The following SWT1 variants were observed in gnomAD, a reference collection of about 807,000 sequenced individuals.
SWT1 encodes the protein SWT1 RNA endoribonuclease homolog, also known as transcriptional protein SWT1.
In SWT1, 33 loss-of-function variants were observed where a neutral mutation model predicts 107.3. That is an observed-to-expected ratio of 0.31 (90% CI 0.23 to 0.41). The LOEUF (loss-of-function observed/expected upper bound fraction) is 0.41, where lower values mean the gene tolerates loss of function less well. SWT1 is among the 10% of genes least tolerant of loss of function. The pLI is 1.00. For missense variants in SWT1, 898 were observed against 1,028.9 expected (o/e 0.87, Z 1.74); for synonymous variants, 345 against 348.3 (o/e 0.99, Z 0.11).
intron 2 of SWT1, among the ~76,000 whole-genome samples, chr1:185,163,834 T>C (rs1019568822): frequency 5.3e-5 from 8 of 152,244 alleles, no homozygotes; most frequent in Admixed American, 2.6e-4. Flanking sequence ...GAATCAACTT[T>C]TCCAAACTCC....
intron 2 of SWT1, among the ~76,000 whole-genome samples, chr1:185,161,939 A>C (rs1276424667): frequency 6.6e-6 from 1 of 152,184 alleles, no homozygotes; most frequent in African/African-American, 2.4e-5. Flanking sequence ...TCACAAAAAA[A>C]GTGATTTCTG....
intron 18 of SWT1, among the ~76,000 whole-genome samples, chr1:185,278,811 A>G (rs1274565295): frequency 2.6e-5 from 4 of 152,254 alleles, no homozygotes; most frequent in Non-Finnish European, 2.9e-5. Context: ...GAACTTAATA[A>G]AAGTATCACT....
chr1:185,224,563 T>C (rs1237837910), intron 15 of SWT1, among the ~76,000 whole-genome samples: 1 of 152,184 alleles, frequency 6.6e-6, no homozygotes, highest in African/African-American at 2.4e-5. Context: ...TAGATCACTT[T>C]GGAAAGTATG....
At chr1:185,178,487 C>T (rs1219443607) in intron 5 of SWT1, among the ~76,000 whole-genome samples, 2 of 152,102 alleles carry the variant, frequency 1.3e-5, no homozygotes, top group Non-Finnish European at 2.9e-5. Context: ...ATCTTTGTTA[C>T]GATATTCCCT....
chr1:185,194,148 A>C (rs1657193015), intron 10 of SWT1, among the ~76,000 whole-genome samples: 1 of 152,010 alleles, frequency 6.6e-6, no homozygotes, highest in Non-Finnish European at 1.5e-5. Flanking sequence ...ATCTTTTTGT[A>C]TCCTTTTACT....
Position 185,204,825 on chromosome 1 carries a change from A to G in SWT1, c.1795A>G (p.Thr599Ala), listed in dbSNP as rs1209180450. Residue 599 changes from threonine to alanine, a missense_variant, in exon 12 of 19, where the codon ACA becomes GCA. Physicochemically the swap from Thr to Ala is moderately conservative, Grantham distance 58. Coordinates refer to ENST00000367500, the MANE Select transcript of SWT1 (RefSeq NM_017673.7). ...LGTGLSSILE[T>A]EMKIAFGNLW... The stretch of plus-strand genomic sequence containing the variant: ...AACAGGTTTATCTTCAATATTAGAA[A>G]CAGAAATGAAAATTGCTTTTGGAAA... The G allele has an allele frequency of 2.5e-6, 4 of 1,585,310 alleles. No individual in the cohort carries two copies. The African/African-American group carries it at 4.1e-5, about 16-fold the overall frequency.
intron 16 of SWT1, among the ~76,000 whole-genome samples, chr1:185,249,634 C>T (rs1661864277): frequency 6.6e-6 from 1 of 152,138 alleles, no homozygotes; most frequent in Non-Finnish European, 1.5e-5. Context: ...AAGAGACAAA[C>T]TGATCCCCCA....
chr1:185,219,544 A>T (rs1659477008), intron 14 of SWT1, among the ~76,000 whole-genome samples: 1 of 152,138 alleles, frequency 6.6e-6, no homozygotes, highest in Non-Finnish European at 1.5e-5. Flanking sequence ...TATCACAGGG[A>T]ACTTAAGCCT....
At chr1:185,268,893 C>T (rs1222565219) in intron 16 of SWT1, among the ~76,000 whole-genome samples, 1 of 142,742 alleles carries the variant, frequency 7.0e-6, no homozygotes, top group East Asian at 2.0e-4. Flanking sequence ...CGCTCTTTTG[C>T]CCAGGCTTGA....
At chr1:185,212,733 G>T (rs1000574345) in intron 13 of SWT1, among the ~76,000 whole-genome samples, 1 of 151,390 alleles carries the variant, frequency 6.6e-6, no homozygotes, top group Non-Finnish European at 1.5e-5. Flanking sequence ...AACCCGGGAG[G>T]TGGAGGTTGC....
intron 17 of SWT1, among the ~76,000 whole-genome samples, chr1:185,273,093 T>TA (rs1663995152): frequency 6.6e-6 from 1 of 151,950 alleles, no homozygotes; most frequent in African/African-American, 2.4e-5. Context: ...ATGGTGTTTA[T>TA]ATGGGCTTTT....
intron 15 of SWT1, among the ~76,000 whole-genome samples, chr1:185,228,199 A>ATATG (rs1205547458): frequency 4.9e-4 from 59 of 121,312 alleles, no homozygotes; most frequent in African/African-American, 2.0e-3. Context: ...ACATATATAT[A>ATATG]TACTCAGTAT....
Position 185,174,481 on chromosome 1 carries a change from T to C in SWT1, c.334T>C (p.Leu112=). 6.2e-7 allele frequency: 1 copy of C among 1,611,258 alleles called. No individual in the cohort carries two copies. The highest frequency in any genetic ancestry group is 8.5e-7 in the Non-Finnish European group (1 of 1,179,220). The stretch of plus-strand genomic sequence containing the variant: ...ATATTCAAATGATAATCAAATTATT[T>C]TGCAGAGTCCTTCTTCAAATGGAAC... ...ASYSNDNQII[L]QSPSSNGTKK... Residue 112 remains leucine, a synonymous_variant, in exon 5 of 19, where the codon TTG becomes CTG. Transcript: ENST00000367500.
intron 5 of SWT1, among the ~76,000 whole-genome samples, chr1:185,176,326 G>C (rs990782520): frequency 6.7e-6 from 1 of 150,360 alleles, no homozygotes; most frequent in Non-Finnish European, 1.5e-5. Context: ...ATTTACTGGA[G>C]GCTGGAGGGA....
chr1:185,248,405 C>T (rs777874253), intron 16 of SWT1, among the ~76,000 whole-genome samples: 10 of 152,058 alleles, frequency 6.6e-5, no homozygotes, highest in Non-Finnish European at 1.0e-4. Context: ...ACATATTTTT[C>T]GTATCATGCA....
At chr1:185,268,779 T>G (rs1322499712) in intron 16 of SWT1, among the ~76,000 whole-genome samples, 1 of 152,124 alleles carries the variant, frequency 6.6e-6, no homozygotes, top group East Asian at 1.9e-4. Flanking sequence ...CAGTTCAGAT[T>G]ATTTCTAAAG....
rs1201731599 is a variant in SWT1, at chr1:185,237,232, C to T, written c.2441+5524C>T. Among the ~76,000 whole-genome samples the T allele has an allele frequency of 3.3e-5, 5 of 152,182 alleles. No individual in the cohort carries two copies. In the East Asian group the frequency reaches 9.6e-4, roughly 29 times the overall value. ...ATCCAAAGGACTATATGTCATTCCACTATAAAAACACATGCACACATATGT... is the reference window on the plus strand; with the variant it reads ...ATCCAAAGGACTATATGTCATTCCATTATAAAAACACATGCACACATATGT... On this transcript the variant is annotated intron_variant, in intron 16 of 18. Coordinates refer to ENST00000367500, the MANE Select transcript of SWT1 (RefSeq NM_017673.7).
intron 7 of SWT1, among the ~76,000 whole-genome samples, chr1:185,183,389 C>A (rs1302680992): frequency 2.0e-5 from 3 of 152,006 alleles, no homozygotes; most frequent in Non-Finnish European, 4.4e-5. Flanking sequence ...CTCCCAGGTT[C>A]AAGCAATTCT....
At chr1:185,166,474 G>A (rs1050811351) in intron 2 of SWT1, 98 bp from the exon 3 acceptor site, 2 of 749,034 alleles carry the variant, frequency 2.7e-6, no homozygotes, top group Admixed American at 5.3e-5. Context: ...ATTATTGAAT[G>A]TAAATGTTGA....
Sources: gnomAD v4.1 joint callset for allele counts (sites outside exome capture counted in the v4.1 genomes callset) on GRCh38, gnomAD v4.1.1 for gene constraint, MANE v1.5 for transcripts, NCBI Gene and HGNC (gene_info 2026-07-23, HGNC 2026-07-21) for gene names.